Variants in RELN observed in about 807,000 individuals in gnomAD.
RELN encodes the protein reelin.
In RELN, 108 loss-of-function variants were observed where a neutral mutation model predicts 427.6. The ratio of observed to expected loss-of-function variants is 0.25; its 90% CI spans 0.22 to 0.30. RELN has a LOEUF of 0.30. Among genes scored for constraint, RELN ranks in the 10% least tolerant of loss-of-function variants. The pLI is 1.00. For synonymous variants in RELN, 1,524 were observed against 1,513.4 expected (o/e 1.01, Z -0.16); for missense variants, 3,715 against 4,302.8 (o/e 0.86, Z 3.82).
intron 8 of RELN, among the ~76,000 whole-genome samples, chr7:103,708,620 C>G (rs920438161): frequency 6.6e-6 from 1 of 151,880 alleles, no homozygotes; most frequent in South Asian, 2.1e-4. Context: ...CCCGCCAACA[C>G]GCCCGGCTAA....
intron 7 of RELN, among the ~76,000 whole-genome samples, chr7:103,725,997 G>C (rs1790202009): frequency 6.6e-6 from 1 of 152,144 alleles, no homozygotes; most frequent in African/African-American, 2.4e-5. Flanking sequence ...ACTTCAGTAA[G>C]AATGGGCTTT....
At chr7:103,627,778 T>C (rs887090032) in intron 20 of RELN, 2 of 152,212 alleles carry the variant, frequency 1.3e-5, no homozygotes, top group Non-Finnish European at 2.9e-5. Context: ...TTTTCTATAA[T>C]TACTGTGATT....
intron 2 of RELN, among the ~76,000 whole-genome samples, chr7:103,895,323 G>A (rs1049983534): frequency 6.6e-6 from 1 of 151,960 alleles, no homozygotes; most frequent in African/African-American, 2.4e-5. Flanking sequence ...AGTTCAAAGG[G>A]TATTAGATAC....
At chr7:103,826,339 T>TGTGTGTGA (rs756774294) in intron 3 of RELN, among the ~76,000 whole-genome samples, 67 of 116,552 alleles carry the variant, frequency 5.7e-4, no homozygotes, top group Non-Finnish European at 1.1e-3. Context: ...TGTGTGTGTG[T>TGTGTGTGA]GTGTGTGTGT....
At chr7:103,975,576 C>T (rs994887986) in intron 1 of RELN, among the ~76,000 whole-genome samples, 1 of 140,426 alleles carries the variant, frequency 7.1e-6, no homozygotes, top group African/African-American at 2.7e-5. Flanking sequence ...GAGACGGAGT[C>T]TCGCTCTGTC....
At chr7:103,566,794 A>C (rs200096060) in intron 31 of RELN, 35 bp from the exon 32 acceptor site, 160 of 1,598,078 alleles carry the variant, frequency 1.0e-4, no homozygotes, top group Non-Finnish European at 1.3e-4. Flanking sequence ...TTATTTGGAC[A>C]CTTTCCTAGA....
intron 9 of RELN, 54 bp from the exon 10 acceptor site, chr7:103,698,147 G>C: frequency 6.2e-7 from 1 of 1,609,624 alleles, no homozygotes; most frequent in South Asian, 1.1e-5. Context: ...TTCTTTCTTA[G>C]AGATGAATTT....
chr7:103,766,095 A>G (rs1401024373), intron 4 of RELN, among the ~76,000 whole-genome samples: 1 of 152,136 alleles, frequency 6.6e-6, no homozygotes, highest in Non-Finnish European at 1.5e-5. Context: ...GGAGGGCTTT[A>G]GTGTGTCGCT....
At chr7:103,864,170 T>A (rs1008091376) in intron 2 of RELN, among the ~76,000 whole-genome samples, 1 of 152,214 alleles carries the variant, frequency 6.6e-6, no homozygotes, top group Non-Finnish European at 1.5e-5. Flanking sequence ...TGAAATCTCA[T>A]AACTTAAACA....
intron 12 of RELN, among the ~76,000 whole-genome samples, chr7:103,660,029 G>C (rs1378353284): frequency 2.0e-5 from 3 of 151,806 alleles, no homozygotes. Flanking sequence ...AATATGCTTT[G>C]TTCCAGAAAA....
intron 4 of RELN, among the ~76,000 whole-genome samples, chr7:103,776,009 T>C (rs1300628688): frequency 6.6e-6 from 1 of 152,240 alleles, no homozygotes; most frequent in Non-Finnish European, 1.5e-5. Flanking sequence ...TTTTAACTTT[T>C]TCATTGTGCT....
chr7:103,831,342 A>C (rs1793269241), intron 3 of RELN, among the ~76,000 whole-genome samples: 1 of 152,150 alleles, frequency 6.6e-6, no homozygotes, highest in Non-Finnish European at 1.5e-5. Flanking sequence ...CATATAATTC[A>C]AGGGGAATTT....
intron 27 of RELN, among the ~76,000 whole-genome samples, chr7:103,592,759 A>T (rs911566551): frequency 6.6e-6 from 1 of 152,218 alleles, no homozygotes; most frequent in African/African-American, 2.4e-5. Context: ...GAAACAGCAT[A>T]GTGTTCTGCA....
At chr7:103,551,794 A>G (rs942039027) in intron 40 of RELN, among the ~76,000 whole-genome samples, 2 of 152,142 alleles carry the variant, frequency 1.3e-5, no homozygotes, top group Non-Finnish European at 2.9e-5. Context: ...TTTCCCTGGC[A>G]CAGGGAAAGA....
At position 103,762,530 on chromosome 7, in the gene RELN, A is replaced by G. The variant is rs533523843; in HGVS notation, c.545-9316T>C. 1.4e-3 allele frequency among the ~76,000 whole-genome samples: 216 copies of G among 152,254 alleles called. 1 individual carries two copies. The highest frequency in any genetic ancestry group is 5.0e-3 in the African/African-American group (206 of 41,550). On this transcript the variant is annotated intron_variant, in intron 4 of 64. Transcript: ENST00000428762. ...CACAGTAGCAATTAGAGCTGATCCA[A>G]CTGCAAATTCCTGTGAGTAGAGAGA...
intron 24 of RELN, among the ~76,000 whole-genome samples, chr7:103,597,033 G>T (rs1412861260): frequency 6.6e-6 from 1 of 152,194 alleles, no homozygotes; most frequent in Non-Finnish European, 1.5e-5. Context: ...TTTGAAATCT[G>T]TTGGAGCTGG....
intron 5 of RELN, among the ~76,000 whole-genome samples, chr7:103,752,373 C>T (rs1200843891): frequency 6.6e-6 from 1 of 152,060 alleles, no homozygotes; most frequent in Non-Finnish European, 1.5e-5. Flanking sequence ...ATCCATGGTG[C>T]CATTTTAAGA....
At chr7:103,769,684 T>A (rs1176768968) in intron 4 of RELN, among the ~76,000 whole-genome samples, 3 of 152,216 alleles carry the variant, frequency 2.0e-5, no homozygotes, top group Non-Finnish European at 2.9e-5. Flanking sequence ...ATCCAGAACC[T>A]GGCCTGGCAA....
chr7:103,513,459 A>G (rs1386882935), intron 50 of RELN: 1 of 152,230 alleles, frequency 6.6e-6, no homozygotes, highest in African/African-American at 2.4e-5. Flanking sequence ...GTAAACCATT[A>G]TACAGGAAAA....
Sources: allele counts gnomAD v4.1 joint callset (sites outside exome capture counted in the v4.1 genomes callset), GRCh38; gene constraint gnomAD v4.1.1; transcripts MANE v1.5; gene names NCBI Gene and HGNC (gene_info 2026-07-23, HGNC 2026-07-21).